Variants in ACAT1 observed in about 807,000 individuals in gnomAD.
ACAT1 encodes acetyl-CoA acetyltransferase, mitochondrial.
In ACAT1, 28 loss-of-function variants were observed where a neutral mutation model predicts 47.3. The observed-to-expected ratio is 0.59, with a 90% CI of 0.44 to 0.81. The LOEUF (loss-of-function observed/expected upper bound fraction) is 0.81, where lower values mean the gene tolerates loss of function less well. Among genes scored for constraint, ACAT1 ranks in the 30% least tolerant of loss-of-function variants. ACAT1 has a pLI of 0.00. For synonymous variants in ACAT1, 181 were observed against 173.6 expected, an observed-to-expected ratio of 1.04 and a Z score of -0.34; for missense variants, 469 against 524.3, an observed-to-expected ratio of 0.89 and a Z score of 1.03.
intron 6 of ACAT1, among the ~76,000 whole-genome samples, chr11:108,139,743 C>T (rs568745798): frequency 8.4e-4 from 128 of 152,198 alleles, no homozygotes; most frequent in South Asian, 3.7e-3. Context: ...TCACTGCAGC[C>T]TCCGCCTCCT....
At chr11:108,144,237 A>AT in intron 10 of ACAT1, 190 bp downstream of exon 10, 1 of 628,934 alleles carries the variant, frequency 1.6e-6, no homozygotes, top group Non-Finnish European at 2.8e-6. Context: ...AAAAATAAAG[A>AT]ACAGCTCACA....
chr11:108,131,164 T>G (rs1247056857), intron 1 of ACAT1, among the ~76,000 whole-genome samples: 1 of 152,138 alleles, frequency 6.6e-6, no homozygotes, highest in African/African-American at 2.4e-5. Context: ...TAGGTCATAT[T>G]TATATGAGAT....
intron 1 of ACAT1, chr11:108,127,761 A>C (rs1294341090): frequency 2.6e-5 from 4 of 152,314 alleles, no homozygotes; most frequent in Non-Finnish European, 1.5e-5. Flanking sequence ...ATGGAAGCCA[A>C]GACAAGGAAG....
chr11:108,141,797 A>G, intron 8 of ACAT1, 97 bp downstream of exon 8: 1 of 789,138 alleles, frequency 1.3e-6, no homozygotes, highest in East Asian at 2.7e-5. Context: ...TCTAGAAAAC[A>G]TCTAGATGTT....
chr11:108,141,802 G>A, intron 8 of ACAT1, 102 bp downstream of exon 8: 1 of 773,504 alleles, frequency 1.3e-6, no homozygotes, highest in Non-Finnish European at 2.2e-6. Flanking sequence ...AAAACATCTA[G>A]ATGTTATTTA....
intron 5 of ACAT1, chr11:108,135,987 T>C: frequency 2.0e-6 from 1 of 510,538 alleles, no homozygotes; most frequent in Non-Finnish European, 3.5e-6. Flanking sequence ...AGCCCAGGCT[T>C]GATGACTAAT....
intron 1 of ACAT1, among the ~76,000 whole-genome samples, chr11:108,126,649 G>A (rs1050538162): frequency 1.3e-5 from 2 of 152,148 alleles, no homozygotes; most frequent in South Asian, 2.1e-4. Context: ...GGTGGCAGCA[G>A]TAGACATGAG....
chr11:108,138,954 C>A lies in ACAT1; in HGVS notation c.492C>A (p.Asn164Lys). 6.2e-7 allele frequency: 1 copy of A among 1,613,994 alleles called. No individual in the cohort carries two copies. The highest frequency in any genetic ancestry group is 2.2e-5 in the East Asian group (1 of 44,862). Residue 164 changes from asparagine to lysine, a missense_variant, in exon 6 of 12, where the codon AAC becomes AAA. Coordinates refer to ENST00000265838, the MANE Select transcript of ACAT1 (RefSeq NM_000019.4). ...ESMSNVPYVM[N>K]RGSTPYGGVK... The stretch of plus-strand genomic sequence containing the variant: ...TGTCCAATGTTCCATATGTAATGAA[C>A]AGAGGATCAACACCATATGGTGGGG...
intron 10 of ACAT1, 145 bp from the exon 11 acceptor site, chr11:108,146,057 T>C: frequency 1.3e-6 from 1 of 743,910 alleles, no homozygotes; most frequent in East Asian, 2.7e-5. Context: ...AAAAAAAAAA[T>C]CTGAAAATAG....
chr11:108,144,701 G>A (rs918767225), intron 10 of ACAT1, among the ~76,000 whole-genome samples: 17 of 4,730 alleles, frequency 3.6e-3, no homozygotes, highest in African/African-American at 0.01. Context: ...CCCAACCCCC[G>A]CAATGAAAAA....
intron 10 of ACAT1, 99 bp downstream of exon 10, chr11:108,144,146 C>T: frequency 7.4e-7 from 1 of 1,342,382 alleles, no homozygotes; most frequent in Non-Finnish European, 1.1e-6. Context: ...TCTGCCAAAG[C>T]AGAGAGATAG....
intron 5 of ACAT1, chr11:108,136,016 G>A (rs988355376): frequency 3.3e-5 from 19 of 581,158 alleles, no homozygotes; most frequent in South Asian, 2.7e-4. Flanking sequence ...ATTAAGTTAA[G>A]TTCTACAGGC....
In ACAT1 at chr11:108,127,265, C is replaced by T. The variant is rs1488506414; in HGVS notation, c.73-4642C>T. ...TTGGAAAATCATCAGCACATAGAAG[C>T]CTTTTTTTTTTTTTTTTGAGACAGA... On this transcript the variant is annotated intron_variant, in intron 1 of 11. Transcript: ENST00000265838. Among the ~76,000 whole-genome samples, 4 of 146,414 alleles carry T rather than the reference C, an allele frequency of 2.7e-5. No individual in the cohort carries two copies. The East Asian group carries it at 8.0e-4, about 29-fold the overall frequency.
chr11:108,142,675 A>G, intron 9 of ACAT1, 125 bp downstream of exon 9: 7 of 751,216 alleles, frequency 9.3e-6, no homozygotes, highest in South Asian at 8.9e-5. Flanking sequence ...CGTCTCTACA[A>G]AAAGTTAAAA....
At chr11:108,135,107 A>G in intron 4 of ACAT1, 35 bp from the exon 5 acceptor site, 2 of 1,459,152 alleles carry the variant, frequency 1.4e-6, no homozygotes. Flanking sequence ...GTGTTTGAGT[A>G]TCGGTTTTTC....
At chr11:108,129,098 C>T (rs2077305902) in intron 1 of ACAT1, 1 of 152,198 alleles carries the variant, frequency 6.6e-6, no homozygotes, top group South Asian at 2.1e-4. Flanking sequence ...TTTGTGTCCT[C>T]ATAGCGCAGC....
chr11:108,147,456 A>G lies in ACAT1; in HGVS notation c.*66A>G, dbSNP rs1349209856. On this transcript the variant is annotated 3_prime_UTR_variant, in exon 12 of 12. Coordinates refer to ENST00000265838, the MANE Select transcript of ACAT1 (RefSeq NM_000019.4). ...AAGGCCTGCTGTAATCAGTGTGACT[A>G]CTGTGGGTCAGCTTATATTCAGATA... is the stretch of plus-strand genomic sequence containing the variant. The G allele has an allele frequency of 4.4e-6, 7 of 1,590,548 alleles. No homozygotes were observed. In the African/African-American group the frequency reaches 5.4e-5, roughly 12 times the overall value.
Position 108,138,968 on chromosome 11 carries a change from C to T in ACAT1, c.506C>T (p.Pro169Leu), listed in dbSNP as rs917473835. The T allele has an allele frequency of 6.2e-7, 1 of 1,614,078 alleles. No individual in the cohort carries two copies. The highest frequency in any genetic ancestry group is 8.5e-7 in the Non-Finnish European group (1 of 1,180,010). The change falls in exon 6 of 12, where the codon CCA (proline) becomes CTA (leucine). Residue 169 changes from proline (P) to leucine (L), a missense_variant. Pro to Leu is a moderately conservative substitution (Grantham distance 98). Coordinates refer to ENST00000265838, the MANE Select transcript of ACAT1 (RefSeq NM_000019.4). Reference protein sequence around the residue: ...VPYVMNRGSTPYGGVKLEDLI... With the variant: ...VPYVMNRGSTLYGGVKLEDLI... ...TATGTAATGAACAGAGGATCAACAC[C>T]ATATGGTGGGGTAAAGCTTGAAGAT...
At chr11:108,139,759 C>T (rs1005399145) in intron 6 of ACAT1, among the ~76,000 whole-genome samples, 10 of 152,116 alleles carry the variant, frequency 6.6e-5, no homozygotes, top group South Asian at 2.1e-4. Flanking sequence ...CTCCTGGGCT[C>T]AAGCAATTCT....
Sources: allele counts gnomAD v4.1 joint callset (sites outside exome capture counted in the v4.1 genomes callset), GRCh38; gene constraint gnomAD v4.1.1; transcripts MANE v1.5; gene names NCBI Gene and HGNC (gene_info 2026-07-23, HGNC 2026-07-21).